The following CASP2 variants were observed in gnomAD, a reference collection of about 807,000 sequenced individuals.
CASP2 encodes the protein caspase-2.
Under a neutral mutation model 54.4 loss-of-function variants are expected in CASP2, and 38 were observed. The observed-to-expected ratio is 0.70, with a 90% CI of 0.54 to 0.92. CASP2 has a LOEUF of 0.92. Among genes scored for constraint, CASP2 ranks in the 40% least tolerant of loss-of-function variants. The probability of loss-of-function intolerance (pLI) is 0.00; values close to 1 mark genes in which losing one functional copy is unlikely to be tolerated. For synonymous variants in CASP2, 215 were observed against 216.3 expected (o/e 0.99, Z 0.05); for missense variants, 512 against 579.6 (o/e 0.88, Z 1.20).
Position 143,294,770 on chromosome 7 carries a change from A to C in CASP2, c.744A>C (p.Ala248=). 1 of 1,613,908 alleles carries C rather than the reference A, an allele frequency of 6.2e-7. No homozygotes were observed. Among genetic ancestry groups the C allele is most frequent in the Non-Finnish European group, 8.5e-7 (1 of 1,179,816 alleles). Residue 248 remains alanine (A), a synonymous_variant, in exon 6 of 11, where the codon GCA becomes GCC. Transcript: ENST00000310447. The part of the protein sequence containing the change: ...YDVHVLCDQT[A]QEMQEKLQNF... The stretch of plus-strand genomic sequence containing the variant: ...TCCATGTTCTATGTGACCAGACTGC[A>C]CAGGTACCTGAGGTGGGAAAAATTG...
At chr7:143,292,240 A>T (rs1801597151) in intron 2 of CASP2, 60 bp from the exon 3 acceptor site, 1 of 1,562,156 alleles carries the variant, frequency 6.4e-7, no homozygotes, top group South Asian at 1.1e-5. Context: ...GCTCATGTGG[A>T]GAAATAGAAT....
intron 8 of CASP2, chr7:143,300,794 T>G: frequency 8.5e-7 from 1 of 1,176,386 alleles, no homozygotes; most frequent in Non-Finnish European, 1.1e-6. Flanking sequence ...TCATGCAGGA[T>G]AGCAGAACAG....
Position 143,288,369 on chromosome 7 carries a change from T to G in CASP2, c.-87T>G. The G allele has an allele frequency of 7.4e-7, 1 of 1,360,310 alleles. No homozygotes were observed. The highest frequency in any genetic ancestry group is 1.0e-6 in the Non-Finnish European group (1 of 966,046). 84.3% of individuals were successfully genotyped at this position (1,360,310 alleles called of 1,614,324 possible). A position where few individuals can be genotyped will look rare whatever the true frequency, so the allele number is the denominator to read the frequency against. On this transcript the variant is annotated 5_prime_UTR_variant, in exon 1 of 11. Coordinates refer to ENST00000310447, the MANE Select transcript of CASP2 (RefSeq NM_032982.4). The stretch of plus-strand genomic sequence containing the variant: ...CGCAGGCGCAGTGTGCGTCCGCGTC[T>G]GAGGGGAGGGATGTGGGGGAAGCGA...
intron 8 of CASP2, chr7:143,300,786 A>C: frequency 7.6e-6 from 9 of 1,182,618 alleles, no homozygotes; most frequent in Non-Finnish European, 9.6e-6. Flanking sequence ...TTCTTGGGTC[A>C]TGCAGGATAG....
chr7:143,306,199 A>C lies in CASP2; in HGVS notation c.*1128A>C, dbSNP rs1386937294. ...ACATGTTATTGTTTTCAACCTAGAA[A>C]CCTTTATCCCTGCTTATCTGAAACT... On this transcript the variant is annotated 3_prime_UTR_variant, in exon 11 of 11. Transcript: ENST00000310447. 6.8e-6 allele frequency: 1 copy of C among 148,072 alleles called. No homozygotes were observed. The highest frequency in any genetic ancestry group is 2.0e-4 in the East Asian group (1 of 5,092). The allele number at this position is 148,072 out of a possible 1,614,324, so 9.2% of individuals were successfully genotyped here. A position where few individuals can be genotyped will look rare whatever the true frequency, so the allele number is the denominator to read the frequency against.
chr7:143,292,644 C>A lies in CASP2; in HGVS notation c.421C>A (p.Pro141Thr). 1 of 1,613,634 alleles carries A rather than the reference C, an allele frequency of 6.2e-7. No homozygotes were observed. The highest frequency in any genetic ancestry group is 2.2e-5 in the East Asian group (1 of 44,886). Residue 141 changes from proline (P) to threonine (T), a missense_variant, in exon 4 of 11, where the codon CCT becomes ACT. Pro to Thr is a conservative substitution (Grantham distance 38, BLOSUM62 -1). This residue lies in a region of CASP2 where 417 missense variants were observed against 495.4 expected (regional missense o/e 0.84). Transcript: ENST00000310447. ...GAGCTGTGACTACGACTTGAGTCTC[C>A]CTTTTCCGGTGTGTGAGTCCTGTCC... ...PLSCDYDLSL[P>T]FPVCESCPLY...
At chr7:143,302,719 T>TA (rs1224229143) in intron 8 of CASP2, 1 of 152,334 alleles carries the variant, frequency 6.6e-6, no homozygotes, top group East Asian at 1.9e-4. Context: ...AGCATACTCT[T>TA]ACTTTTGATG....
intron 1 of CASP2, 51 bp from the exon 2 acceptor site, chr7:143,291,489 T>G (rs1801555683): frequency 6.3e-7 from 1 of 1,587,644 alleles, no homozygotes; most frequent in Admixed American, 1.7e-5. Context: ...ACTCCACTCT[T>G]CTGTGTCAAA....
rs1306097548 is a variant in CASP2 at position 143,305,741 on chromosome 7, C to G, written c.*670C>G. The G allele has an allele frequency of 6.4e-6, 1 of 156,988 alleles. No individual in the cohort carries two copies. The highest frequency in any genetic ancestry group is 1.4e-5 in the Non-Finnish European group (1 of 70,666). The allele number at this position is 156,988 out of a possible 1,614,324, so 9.7% of individuals were successfully genotyped here. On this transcript the variant is annotated 3_prime_UTR_variant, in exon 11 of 11. Coordinates refer to ENST00000310447, the MANE Select transcript of CASP2 (RefSeq NM_032982.4). ...TGCCTTGCATTTGTACCTTATTGAT[C>G]TTTGCCCATGGAAGTCTCAAAGATC...
intron 8 of CASP2, chr7:143,303,254 AT>A (rs1801970580): frequency 6.6e-6 from 1 of 152,566 alleles, no homozygotes; most frequent in Non-Finnish European, 1.5e-5. Flanking sequence ...ACAACTGATC[AT>A]ACTTAGTTTT....
At chr7:143,304,635 A>G in intron 9 of CASP2, 39 bp from the exon 10 acceptor site, 2 of 1,454,756 alleles carry the variant, frequency 1.4e-6, no homozygotes, top group Non-Finnish European at 1.9e-6. Context: ...CAGCTGTGTG[A>G]TGGCATTCAC....
chr7:143,303,880 A>G lies in CASP2; in HGVS notation c.1064A>G (p.Lys355Arg). ...ESDAGKEKLPKMRLPTRSDMI... is the reference protein window; with the variant it reads ...ESDAGKEKLPRMRLPTRSDMI... Reference sequence around the variant, plus strand: ...GATGCCGGTAAAGAAAAGTTGCCGAAGATGAGACTGCCCACGCGCTCAGAC... The same window carrying G: ...GATGCCGGTAAAGAAAAGTTGCCGAGGATGAGACTGCCCACGCGCTCAGAC... Residue 355 changes from lysine (K) to arginine (R), a missense_variant, in exon 9 of 11, where the codon AAG becomes AGG. Physicochemically the swap from Lys to Arg is conservative, Grantham distance 26. Transcript: ENST00000310447. 6.2e-7 allele frequency: 1 copy of G among 1,613,346 alleles called. No individual in the cohort carries two copies. The highest frequency in any genetic ancestry group is 8.5e-7 in the Non-Finnish European group (1 of 1,179,662).
chr7:143,288,752 G>C (rs1187518067), intron 1 of CASP2, among the ~76,000 whole-genome samples: 1 of 152,242 alleles, frequency 6.6e-6, no homozygotes, highest in African/African-American at 2.4e-5. Context: ...GGAAAAGACT[G>C]CCCCAGCCTC....
rs760259425 is a variant in CASP2, at chr7:143,291,566, C to T, written c.101C>T (p.Pro34Leu). 3 of 1,613,968 alleles carry T rather than the reference C, an allele frequency of 1.9e-6. No individual in the cohort carries two copies. The highest frequency in any genetic ancestry group is 1.7e-6 in the Non-Finnish European group (2 of 1,179,980). ...ATATTGGGAGTGTGTGGCATGCATC[C>T]TCATCATCAGGAAACTCTAAAAAAG... ...RRILGVCGMH[P>L]HHQETLKKNR... Residue 34 changes from proline to leucine, a missense_variant, in exon 2 of 11, where the codon CCT (proline) becomes CTT (leucine). This residue lies in a region of CASP2 where 89 missense variants were observed against 67.1 expected (regional missense o/e 1.33). Transcript: ENST00000310447.
At chr7:143,298,039 G>T (rs1015812003) in intron 6 of CASP2, among the ~76,000 whole-genome samples, 1 of 152,060 alleles carries the variant, frequency 6.6e-6, no homozygotes, top group African/African-American at 2.4e-5. Flanking sequence ...GAAGTATTCC[G>T]AACAGATCAA....
At chr7:143,295,422 C>G (rs1237159433) in intron 6 of CASP2, among the ~76,000 whole-genome samples, 1 of 152,216 alleles carries the variant, frequency 6.6e-6, no homozygotes, top group Non-Finnish European at 1.5e-5. Context: ...TCATTATGGG[C>G]TGTTCGTCAT....
At chr7:143,288,560 G>A in intron 1 of CASP2, 31 bp downstream of exon 1, 1 of 1,569,980 alleles carries the variant, frequency 6.4e-7, no homozygotes, top group Non-Finnish European at 8.8e-7. Context: ...GGGCTCCTTA[G>A]GGGAGCCCAG....
chr7:143,293,421 C>T (rs1801645489), intron 4 of CASP2, among the ~76,000 whole-genome samples: 1 of 152,102 alleles, frequency 6.6e-6, no homozygotes, highest in Non-Finnish European at 1.5e-5. Context: ...AGCCACCATG[C>T]CCAGCTGAGA....
intron 6 of CASP2, among the ~76,000 whole-genome samples, chr7:143,295,068 C>T: frequency 6.6e-6 from 1 of 151,824 alleles, no homozygotes. Flanking sequence ...AGCTCTGTCA[C>T]CCAGGCTGGA....
Sources: gnomAD v4.1 joint callset for allele counts (sites outside exome capture counted in the v4.1 genomes callset) on GRCh38, gnomAD v4.1.1 for gene constraint, gnomAD v4.1.1 regional missense constraint, MANE v1.5 for transcripts, NCBI Gene and HGNC (gene_info 2026-07-23, HGNC 2026-07-21) for gene names.